PSD3: variants seen among roughly 807,000 people sequenced by gnomAD.
PSD3 encodes pleckstrin and Sec7 domain containing 3.
A neutral mutation model predicts 105.5 loss-of-function variants in PSD3; 49 were observed. The observed-to-expected ratio is 0.46, with a 90% confidence interval of 0.37 to 0.59. The LOEUF (loss-of-function observed/expected upper bound fraction) is 0.59, where lower values mean the gene tolerates loss of function less well. Among genes scored for constraint, PSD3 ranks in the 20% least tolerant of loss-of-function variants. The probability of loss-of-function intolerance (pLI) is 0.00; values close to 1 mark genes in which losing one functional copy is unlikely to be tolerated. For missense variants in PSD3, 1,561 were observed against 1,263.8 expected, an observed-to-expected ratio of 1.24 and a Z score of -3.57; for synonymous variants, 557 against 457.8, an observed-to-expected ratio of 1.22 and a Z score of -2.77.
chr8:18,856,472 T>C (rs1319398352), intron 4 of PSD3, among the ~76,000 whole-genome samples: 2 of 152,168 alleles, frequency 1.3e-5, no homozygotes, highest in Admixed American at 6.5e-5. Flanking sequence ...TGTAGCGAAG[T>C]ATAACACTAT....
At chr8:18,547,142 T>C (rs759673070) in intron 15 of PSD3, among the ~76,000 whole-genome samples, 3 of 152,110 alleles carry the variant, frequency 2.0e-5, no homozygotes, top group Non-Finnish European at 4.4e-5. Context: ...CATGTAAGCC[T>C]GGTGGAATGA....
intron 9 of PSD3, among the ~76,000 whole-genome samples, chr8:18,709,655 T>C (rs1585689707): frequency 6.6e-6 from 1 of 152,290 alleles, no homozygotes; most frequent in African/African-American, 2.4e-5. Context: ...GCAACCATCT[T>C]TGCTGTTCTG....
At chr8:18,955,877 T>G (rs1377096947) in intron 1 of PSD3, among the ~76,000 whole-genome samples, 1 of 152,154 alleles carries the variant, frequency 6.6e-6, no homozygotes, top group African/African-American at 2.4e-5. Context: ...CAAGTGATTC[T>G]CCAGCCTCAG....
intron 4 of PSD3, among the ~76,000 whole-genome samples, chr8:18,812,591 T>C (rs943946110): frequency 2.6e-5 from 4 of 152,148 alleles, no homozygotes; most frequent in South Asian, 4.2e-4. Flanking sequence ...GCTGAGAGAA[T>C]AGTAGTTAAG....
At chr8:18,651,666 G>C (rs1166631628) in intron 10 of PSD3, among the ~76,000 whole-genome samples, 1 of 152,182 alleles carries the variant, frequency 6.6e-6, no homozygotes, top group African/African-American at 2.4e-5. Flanking sequence ...GAAACTGCTG[G>C]TGTCATCAGA....
intron 9 of PSD3, among the ~76,000 whole-genome samples, chr8:18,761,358 G>A (rs559720645): frequency 2.0e-5 from 3 of 152,246 alleles, no homozygotes; most frequent in African/African-American, 7.2e-5. Flanking sequence ...CCAGATACCT[G>A]CAGGAAGGGA....
intron 2 of PSD3, among the ~76,000 whole-genome samples, chr8:18,934,821 C>T (rs1248396836): frequency 1.3e-5 from 2 of 152,168 alleles, no homozygotes; most frequent in Non-Finnish European, 2.9e-5. Context: ...TAGCCTTTTC[C>T]AATCTAATTC....
intron 9 of PSD3, among the ~76,000 whole-genome samples, chr8:18,694,389 T>C (rs1333873197): frequency 6.6e-6 from 1 of 152,242 alleles, no homozygotes; most frequent in Non-Finnish European, 1.5e-5. Context: ...GGCAGGTGGA[T>C]CACAAGGTCA....
intron 1 of PSD3, among the ~76,000 whole-genome samples, chr8:18,950,763 C>T (rs1823187266): frequency 6.6e-6 from 1 of 151,902 alleles, no homozygotes; most frequent in Non-Finnish European, 1.5e-5. Flanking sequence ...TTCCACGACC[C>T]ATTTGGTCAC....
intron 1 of PSD3, among the ~76,000 whole-genome samples, chr8:19,078,230 A>G (rs967863722): frequency 4.6e-5 from 7 of 152,114 alleles, no homozygotes; most frequent in Non-Finnish European, 7.3e-5. Flanking sequence ...TAAAATTTTT[A>G]CCGTATCATA....
At chr8:18,880,267 G>A (rs1415647213) in intron 2 of PSD3, among the ~76,000 whole-genome samples, 1 of 152,160 alleles carries the variant, frequency 6.6e-6, no homozygotes, top group Admixed American at 6.5e-5. Flanking sequence ...TAGGGCCTTA[G>A]ATACTTCCTA....
At chr8:18,780,779 C>T (rs1449621156) in intron 8 of PSD3, among the ~76,000 whole-genome samples, 1 of 152,144 alleles carries the variant, frequency 6.6e-6, no homozygotes, top group African/African-American at 2.4e-5. Context: ...TGGTCTCAAT[C>T]TCCTGACCTC....
intron 12 of PSD3, among the ~76,000 whole-genome samples, chr8:18,598,489 T>C (rs1275580811): frequency 2.6e-5 from 4 of 151,826 alleles, no homozygotes; most frequent in Admixed American, 2.6e-4. Flanking sequence ...GTAAAGGTGG[T>C]TCAACATATG....
At chr8:18,603,743 CTGAG>C (rs1563368229) in intron 11 of PSD3, among the ~76,000 whole-genome samples, 2 of 152,276 alleles carry the variant, frequency 1.3e-5, no homozygotes, top group Middle Eastern at 3.4e-3. Flanking sequence ...TCTCGTGACA[CTGAG>C]TAAGTGAATG....
intron 9 of PSD3, among the ~76,000 whole-genome samples, chr8:18,748,739 T>C (rs1805232634): frequency 6.6e-6 from 1 of 152,112 alleles, no homozygotes; most frequent in Non-Finnish European, 1.5e-5. Flanking sequence ...CAGTAATGTT[T>C]AGAGACACCA....
At chr8:18,845,334 G>A (rs980410080) in intron 4 of PSD3, among the ~76,000 whole-genome samples, 7 of 152,174 alleles carry the variant, frequency 4.6e-5, no homozygotes, top group Admixed American at 1.3e-4. Context: ...TCCTGGAGTG[G>A]ATGGGGTCCC....
At chr8:18,953,225 G>A (rs1369568616) in intron 1 of PSD3, among the ~76,000 whole-genome samples, 1 of 152,200 alleles carries the variant, frequency 6.6e-6, no homozygotes, top group Non-Finnish European at 1.5e-5. Flanking sequence ...GAAAGGCTAT[G>A]AGGAAACTGA....
intron 12 of PSD3, among the ~76,000 whole-genome samples, chr8:18,586,744 C>A (rs928181707): frequency 5.3e-5 from 8 of 152,230 alleles, no homozygotes; most frequent in African/African-American, 1.4e-4. Flanking sequence ...AGTACTACCC[C>A]CCTCATTTAT....
chr8:18,801,914 A>G (rs1383244611), intron 6 of PSD3, among the ~76,000 whole-genome samples: 1 of 152,138 alleles, frequency 6.6e-6, no homozygotes, highest in Non-Finnish European at 1.5e-5. Context: ...AAGGTAGGTA[A>G]TTTCCTCATT....
Sources: allele counts gnomAD v4.1 joint callset (sites outside exome capture counted in the v4.1 genomes callset), GRCh38; gene constraint gnomAD v4.1.1; transcripts MANE v1.5; gene names NCBI Gene and HGNC (gene_info 2026-07-23, HGNC 2026-07-21).